The following AHNAK variants were observed in gnomAD, a reference collection of about 807,000 sequenced individuals.
AHNAK encodes neuroblast differentiation-associated protein AHNAK.
A neutral mutation model predicts 37.8 loss-of-function variants in AHNAK; 23 were observed. The observed-to-expected ratio is 0.61, with a 90% CI of 0.44 to 0.86. The LOEUF (loss-of-function observed/expected upper bound fraction) is 0.86, where lower values mean the gene tolerates loss of function less well. Ranked by LOEUF, AHNAK falls within the 40% of genes least tolerant of loss-of-function variation. The pLI is 0.00. For synonymous variants in AHNAK, 2,481 were observed against 2,636.3 expected, an observed-to-expected ratio of 0.94 and a Z score of 1.80; for missense variants, 7,411 against 7,319.4, an observed-to-expected ratio of 1.01 and a Z score of -0.46.
intron 5 of AHNAK, among the ~76,000 whole-genome samples, chr11:62,440,730 C>T (rs543654282): frequency 1.3e-5 from 2 of 152,190 alleles, no homozygotes; most frequent in Non-Finnish European, 2.9e-5. Context: ...AGCCTGGCAG[C>T]GTCCATCCCA....
Position 62,520,458 on chromosome 11 carries a change from G to T in AHNAK, c.13959C>A (p.Pro4653=), listed in dbSNP as rs1455935940. The change falls in exon 5 of 5, where the codon CCC becomes CCA. Residue 4653 remains proline, a synonymous_variant. Coordinates refer to ENST00000378024, the MANE Select transcript of AHNAK (RefSeq NM_001620.3). The part of the protein sequence containing the change: ...VQGPDWHLKM[P]KVKMPKFSMP... ...TGCTGAACTTGGGCATTTTCACTTT[G>T]GGCATTTTTAGGTGCCAGTCTGGGC... is the stretch of plus-strand genomic sequence containing the variant. 6.2e-7 allele frequency: 1 copy of T among 1,614,040 alleles called. No homozygotes were observed. Among genetic ancestry groups the T allele is most frequent in the Non-Finnish European group, 8.5e-7 (1 of 1,180,022 alleles).
intron 5 of AHNAK, among the ~76,000 whole-genome samples, chr11:62,444,332 C>T (rs904285703): frequency 3.3e-5 from 5 of 152,338 alleles, no homozygotes; most frequent in South Asian, 4.1e-4. Context: ...TGTGAGTGCC[C>T]GGCCTCTGCC....
Position 62,526,185 on chromosome 11 carries a change from C to T in AHNAK, c.8232G>A (p.Lys2744=), listed in dbSNP as rs971590352. ...GDLKGPEVDI[K]GPKVDIDAPD... ...GTGCGTCAATGTCCACTTTTGGGCCCTTGATGTCAACTTCTGGGCCCTTGA... is the reference window on the plus strand; with the variant it reads ...GTGCGTCAATGTCCACTTTTGGGCCTTTGATGTCAACTTCTGGGCCCTTGA... The change falls in exon 5 of 5, where the codon AAG becomes AAA. Residue 2744 remains lysine (K), a synonymous_variant. Coordinates refer to ENST00000378024, the MANE Select transcript of AHNAK (RefSeq NM_001620.3). 1.4e-5 allele frequency: 23 copies of T among 1,613,592 alleles called. No homozygotes were observed. The highest frequency in any genetic ancestry group is 1.6e-5 in the Non-Finnish European group (19 of 1,179,958).
In AHNAK at chr11:62,451,264, G is replaced by A. The variant is rs562484057; in HGVS notation, c.443-17373C>T. On this transcript the variant is annotated intron_variant, in intron 5 of 5. Coordinates refer to the AHNAK transcript ENST00000257247. ...GAACCCAAGACCAGAGCAAAATGTC[G>A]GGTCAGAGAAAGGCCCTCCTCCAGC... 9.3e-5 allele frequency among the ~76,000 whole-genome samples: 14 copies of A among 150,820 alleles called. No individual in the cohort carries two copies. The South Asian group carries it at 2.1e-3, about 22-fold the overall frequency.
At chr11:62,466,319 C>G (rs1219814359) in intron 5 of AHNAK, among the ~76,000 whole-genome samples, 1 of 150,546 alleles carries the variant, frequency 6.6e-6, no homozygotes, top group Non-Finnish European at 1.5e-5. Flanking sequence ...GACTCTGTCT[C>G]AAAAAAAAAA....
chr11:62,533,055 T>C lies in AHNAK; in HGVS notation c.1362A>G (p.Thr454=), dbSNP rs764692540. Residue 454 remains threonine, a synonymous_variant, in exon 5 of 5, where the codon ACA becomes ACG. Transcript: ENST00000378024. ...AKGEETGIDV[T]LPTGEVTVPG... Reference sequence around the variant, plus strand: ...GAACAGTCACTTCACCTGTAGGCAGTGTCACATCAATCCCAGTTTCCTCTC... The same window carrying C: ...GAACAGTCACTTCACCTGTAGGCAGCGTCACATCAATCCCAGTTTCCTCTC... 2.0e-5 allele frequency: 33 copies of C among 1,610,906 alleles called. No individual in the cohort carries two copies. The South Asian group carries it at 3.2e-4, about 16-fold the overall frequency.
chr11:62,499,348 A>T (rs1047605957), intron 4 of AHNAK, among the ~76,000 whole-genome samples: 2 of 152,178 alleles, frequency 1.3e-5, no homozygotes, highest in Non-Finnish European at 2.9e-5. Context: ...CGGGAGTTCG[A>T]GACCAGCCTG....
chr11:62,437,443 C>A (rs910159037), intron 5 of AHNAK, among the ~76,000 whole-genome samples: 8 of 152,224 alleles, frequency 5.3e-5, no homozygotes, highest in African/African-American at 1.4e-4. Flanking sequence ...CAACATCTGC[C>A]TCCTGGGTTC....
intron 1 of AHNAK, among the ~76,000 whole-genome samples, chr11:62,539,854 G>A (rs1244386932): frequency 6.6e-6 from 1 of 152,194 alleles, no homozygotes; most frequent in African/African-American, 2.4e-5. Context: ...AGCCTGGAAG[G>A]ACTCCCCTCT....
At chr11:62,469,390 G>A (rs1423084448) in intron 5 of AHNAK, among the ~76,000 whole-genome samples, 1 of 151,944 alleles carries the variant, frequency 6.6e-6, no homozygotes, top group African/African-American at 2.4e-5. Flanking sequence ...CCAAAGTGCT[G>A]GGATTACAGG....
Position 62,516,665 on chromosome 11 carries a change from T to C in AHNAK, c.*79A>G. ...CTGAGGCAGTCGGTGTGTTTCCCTTTGGAGTTTATATAGGAACACACCACC... is the reference window on the plus strand; with the variant it reads ...CTGAGGCAGTCGGTGTGTTTCCCTTCGGAGTTTATATAGGAACACACCACC... On this transcript the variant is annotated 3_prime_UTR_variant, in exon 5 of 5. Coordinates refer to ENST00000378024, the MANE Select transcript of AHNAK (RefSeq NM_001620.3). 6.6e-7 allele frequency: 1 copy of C among 1,513,044 alleles called. No individual in the cohort carries two copies. The highest frequency in any genetic ancestry group is 8.8e-7 in the Non-Finnish European group (1 of 1,137,144). The allele number at this position is 1,513,044 out of a possible 1,614,324, so 93.7% of individuals were successfully genotyped here.
chr11:62,453,177 C>T (rs897987102), intron 5 of AHNAK, among the ~76,000 whole-genome samples: 2 of 152,130 alleles, frequency 1.3e-5, no homozygotes, highest in Non-Finnish European at 2.9e-5. Context: ...GACACCATCA[C>T]CTCCATGGCA....
At chr11:62,477,003 C>T (rs7951486) in intron 5 of AHNAK, among the ~76,000 whole-genome samples, 13,619 of 152,154 alleles carry the variant, frequency 0.09, 2,015 homozygotes, top group African/African-American at 0.31. Context: ...AATGCCCGAC[C>T]GCATGTCACA....
chr11:62,516,996 A>C lies in AHNAK; in HGVS notation c.17421T>G (p.Ser5807=), dbSNP rs11555629. The C allele has an allele frequency of 0.031, 50,110 of 1,614,126 alleles. 1,084 individuals carry two copies. The highest frequency in any genetic ancestry group is 0.11 in the African/African-American group (7,888 of 75,002). The change falls in exon 5 of 5, where the codon TCT becomes TCG. Residue 5807 remains serine, a synonymous_variant. Coordinates refer to ENST00000378024, the MANE Select transcript of AHNAK (RefSeq NM_001620.3). ...GTLEFEGGEV[S]LEGGKVKGKH... ...TCCCTTTAACTTTCCCACCTTCCAG[A>C]GACACTTCCCCACCTTCAAACTCCA... is the stretch of plus-strand genomic sequence containing the variant.
At position 62,522,570 on chromosome 11, in the gene AHNAK, A is replaced by T. The variant is rs769815108; in HGVS notation, c.11847T>A (p.Gly3949=). The change falls in exon 5 of 5, where the codon GGT becomes GGA. Residue 3949 remains glycine, a synonymous_variant. Transcript: ENST00000378024. ...TGGGCAGGTTCACATCCACTTCTGG[A>T]CCTTCTCCTTTGAAGCCAGGCATGC... is the stretch of plus-strand genomic sequence containing the variant. ...KISMPGFKGE[G]PEVDVNLPKA... 2.8e-5 allele frequency: 44 copies of T among 1,593,602 alleles called. No homozygotes were observed. Among genetic ancestry groups the T allele is most frequent in the South Asian group, 4.4e-5 (4 of 90,120 alleles).
rs757889048 is a variant in AHNAK at position 62,532,859 on chromosome 11, C to T, written c.1558G>A (p.Val520Ile). 1.9e-6 allele frequency: 3 copies of T among 1,614,106 alleles called. No individual in the cohort carries two copies. The highest frequency in any genetic ancestry group is 2.2e-5 in the South Asian group (2 of 91,074). Residue 520 changes from valine to isoleucine, a missense_variant, in exon 5 of 5, where the codon GTT becomes ATT. By Grantham distance (29) the Val-to-Ile change is conservative (BLOSUM62 3). Transcript: ENST00000378024. ...TCACCTTGCACCCCAGGAGCAGAAA[C>T]CTTAATATCTCCTTTCAGTTTAGGA... ...GSPKLKGDIKVSAPGVQGDVK... is the reference protein window; with the variant it reads ...GSPKLKGDIKISAPGVQGDVK...
At chr11:62,495,696 G>A (rs996867133) in intron 4 of AHNAK, among the ~76,000 whole-genome samples, 2 of 148,774 alleles carry the variant, frequency 1.3e-5, no homozygotes, top group African/African-American at 4.9e-5. Flanking sequence ...CCGAGATCAC[G>A]CCACTGCACT....
At chr11:62,435,720 TTATC>T (rs1162243249) in intron 5 of AHNAK, among the ~76,000 whole-genome samples, 1 of 152,182 alleles carries the variant, frequency 6.6e-6, no homozygotes, top group African/African-American at 2.4e-5. Flanking sequence ...GCCTATTTAT[TTATC>T]TTTTTAAGAG....
intron 5 of AHNAK, among the ~76,000 whole-genome samples, chr11:62,454,350 T>C (rs1408528878): frequency 3.3e-5 from 5 of 150,604 alleles, no homozygotes; most frequent in African/African-American, 4.9e-5. Context: ...GAGGCGGAGC[T>C]TGCAGTGAGC....
Sources: gnomAD v4.1 joint callset for allele counts (sites outside exome capture counted in the v4.1 genomes callset) on GRCh38, gnomAD v4.1.1 for gene constraint, MANE v1.5 for transcripts, NCBI Gene and HGNC (gene_info 2026-07-23, HGNC 2026-07-21) for gene names.